DRC11: variants seen among roughly 807,000 people sequenced by gnomAD.
DRC11 encodes the protein IQ and AAA domain-containing protein 1.
At chr2:236,347,113 C>T in the DRC11 span, among the ~76,000 whole-genome samples, 5,718 of 152,300 alleles carry the variant, frequency 0.038, 337 homozygotes, top group African/African-American at 0.13. Flanking sequence ...GGCTGGAGTG[C>T]AGTGGCACGA....
At chr2:236,354,949 C>T in the DRC11 span, among the ~76,000 whole-genome samples, 1 of 152,200 alleles carries the variant, frequency 6.6e-6, no homozygotes, top group Non-Finnish European at 1.5e-5. Flanking sequence ...CACAGCTGGA[C>T]CCGGCTACAT....
the DRC11 span, among the ~76,000 whole-genome samples, chr2:236,484,157 T>C: frequency 2.0e-5 from 3 of 152,252 alleles, no homozygotes; most frequent in African/African-American, 7.2e-5. Context: ...TTCTACTGTG[T>C]CTGCTTTTAT....
the DRC11 span, among the ~76,000 whole-genome samples, chr2:236,470,133 T>C: frequency 6.6e-6 from 1 of 152,228 alleles, no homozygotes; most frequent in Non-Finnish European, 1.5e-5. The surrounding 1 kb of genome is among the most constrained non-coding windows in gnomAD (Gnocchi z 5.1). Context: ...AATGCTTATC[T>C]AATGTTTGAT....
chr2:236,370,024 C>T, the DRC11 span, among the ~76,000 whole-genome samples: 1 of 152,304 alleles, frequency 6.6e-6, no homozygotes, highest in East Asian at 1.9e-4. The surrounding 1 kb of genome is among the most constrained non-coding windows in gnomAD (Gnocchi z 5.5). Flanking sequence ...TCTCAGAACG[C>T]GACCTTATTT....
the DRC11 span, among the ~76,000 whole-genome samples, chr2:236,421,669 T>C: frequency 6.6e-5 from 10 of 152,232 alleles, no homozygotes; most frequent in East Asian, 1.7e-3. Context: ...GAAACTATTC[T>C]AATCAATAGA....
the DRC11 span, among the ~76,000 whole-genome samples, chr2:236,357,149 AT>A: frequency 8.2e-6 from 1 of 122,488 alleles, no homozygotes; most frequent in Admixed American, 8.7e-5. Context: ...ATATCTATAT[AT>A]TATGTATTCA....
chr2:236,313,854 T>C, the DRC11 span, among the ~76,000 whole-genome samples: 4 of 128,606 alleles, frequency 3.1e-5, no homozygotes, highest in Non-Finnish European at 6.0e-5. This position sits in a 1 kb window ranked among gnomAD's most constrained non-coding sequence, Gnocchi z 4.5. Flanking sequence ...ATTTTTAATA[T>C]GATGCAATTT....
At chr2:236,422,607 G>C in the DRC11 span, among the ~76,000 whole-genome samples, 1 of 152,150 alleles carries the variant, frequency 6.6e-6, no homozygotes, top group Non-Finnish European at 1.5e-5. Flanking sequence ...AATCAATATC[G>C]TGAAAATGGC....
the DRC11 span, among the ~76,000 whole-genome samples, chr2:236,410,580 A>G: frequency 4.8e-4 from 73 of 150,638 alleles, 1 homozygote; most frequent in African/African-American, 1.4e-3. Flanking sequence ...AAGAGCCCGC[A>G]TCGCCAAGTC....
At chr2:236,488,649 C>T in the DRC11 span, among the ~76,000 whole-genome samples, 1 of 151,992 alleles carries the variant, frequency 6.6e-6, no homozygotes, top group Non-Finnish European at 1.5e-5. Flanking sequence ...TACAGAATGC[C>T]CAGTGAATAC....
the DRC11 span, among the ~76,000 whole-genome samples, chr2:236,442,558 A>G: frequency 2.8e-4 from 43 of 152,326 alleles, no homozygotes; most frequent in Middle Eastern, 0.014. Context: ...TATCTGTCAC[A>G]TGAAAATCCA....
chr2:236,357,445 T>C, the DRC11 span, among the ~76,000 whole-genome samples: 1 of 126,546 alleles, frequency 7.9e-6, no homozygotes, highest in East Asian at 2.3e-4. Flanking sequence ...TATGTATATT[T>C]ATAAATTATA....
chr2:236,443,557 A>G, the DRC11 span, among the ~76,000 whole-genome samples: 2 of 152,352 alleles, frequency 1.3e-5, no homozygotes, highest in Non-Finnish European at 2.9e-5. This position sits in a 1 kb window ranked among gnomAD's most constrained non-coding sequence, Gnocchi z 4.4. Context: ...TGCAAAGGAC[A>G]TGATCTCATT....
the DRC11 span, among the ~76,000 whole-genome samples, chr2:236,492,406 A>G: frequency 6.6e-6 from 1 of 152,228 alleles, no homozygotes; most frequent in South Asian, 2.1e-4. Context: ...CTTCTGAGGC[A>G]GGCACACAGG....
the DRC11 span, among the ~76,000 whole-genome samples, chr2:236,314,887 T>C: frequency 6.6e-6 from 1 of 152,186 alleles, no homozygotes; most frequent in South Asian, 2.1e-4. This position sits in a 1 kb window ranked among gnomAD's most constrained non-coding sequence, Gnocchi z 4.5. Flanking sequence ...AATTGATCTA[T>C]AGATTCAATA....
chr2:236,413,620 T>C, the DRC11 span, among the ~76,000 whole-genome samples: 1 of 152,240 alleles, frequency 6.6e-6, no homozygotes, highest in East Asian at 1.9e-4. The surrounding 1 kb of genome is among the most constrained non-coding windows in gnomAD (Gnocchi z 4.0). Flanking sequence ...TTAGGTCTGC[T>C]GGCACTGCAG....
At chr2:236,459,506 CGT>C in the DRC11 span, among the ~76,000 whole-genome samples, 57 of 101,268 alleles carry the variant, frequency 5.6e-4, no homozygotes, top group African/African-American at 1.8e-3. Flanking sequence ...TATATGTATA[CGT>C]ATACGTATAC....
the DRC11 span, among the ~76,000 whole-genome samples, chr2:236,488,366 A>G: frequency 6.6e-6 from 1 of 152,184 alleles, no homozygotes; most frequent in Non-Finnish European, 1.5e-5. Context: ...GTATATTTTG[A>G]TAACATGACA....
the DRC11 span, among the ~76,000 whole-genome samples, chr2:236,328,027 C>CTAAT: frequency 6.6e-6 from 1 of 152,112 alleles, no homozygotes; most frequent in African/African-American, 2.4e-5. This position sits in a 1 kb window ranked among gnomAD's most constrained non-coding sequence, Gnocchi z 6.7. Context: ...TTTTTCCTCC[C>CTAAT]TAATGTTTCT....
Sources: gnomAD v4.1 joint callset for allele counts (sites outside exome capture counted in the v4.1 genomes callset) on GRCh38, gnomAD v4.1.1 for gene constraint, Gnocchi (gnomAD v3.1) non-coding constraint, MANE v1.5 for transcripts, NCBI Gene and HGNC (gene_info 2026-07-23, HGNC 2026-07-21) for gene names.